TMEM232: variants seen among roughly 807,000 people sequenced by gnomAD.
TMEM232 encodes transmembrane protein 232.
A neutral mutation model predicts 78.8 loss-of-function variants in TMEM232; 80 were observed. The ratio of observed to expected loss-of-function variants is 1.01; its 90% CI spans 0.85 to 1.22. The LOEUF (loss-of-function observed/expected upper bound fraction) is 1.22, where lower values mean the gene tolerates loss of function less well. Among genes scored for constraint, TMEM232 ranks in the 50% most tolerant of loss-of-function variants. The pLI, the probability that TMEM232 is intolerant of heterozygous loss-of-function variation, is 0.00. For missense variants in TMEM232, 881 were observed against 742.2 expected (o/e 1.19, Z -2.17); for synonymous variants, 297 against 254.3 (o/e 1.17, Z -1.60).
chr5:110,524,384 AAAGAAAGAAAGAAAGAAAGAAAGAAAG>A (rs1770149733), intron 12 of TMEM232, among the ~76,000 whole-genome samples: 3 of 70,036 alleles, frequency 4.3e-5, no homozygotes, highest in African/African-American at 2.6e-4. Context: ...AGAAAGAAAG[AAAGAAAGAAAGAAAGAAAGAAAGAAAG>A]AAAGAAAAGA....
chr5:110,677,063 A>G (rs1792119575), intron 1 of TMEM232, among the ~76,000 whole-genome samples: 2 of 151,968 alleles, frequency 1.3e-5, no homozygotes, highest in African/African-American at 4.8e-5. Flanking sequence ...GCCCTGCCTC[A>G]TTGCTTGTGT....
chr5:110,705,763 CGT>C (rs139138961), intron 1 of TMEM232, among the ~76,000 whole-genome samples: 4,515 of 125,046 alleles, frequency 0.036, 228 homozygotes, highest in African/African-American at 0.11. Context: ...TATGTGTGTG[CGT>C]GTGTGTGTGT....
At chr5:110,689,323 C>G (rs531876918) in intron 1 of TMEM232, among the ~76,000 whole-genome samples, 1 of 152,096 alleles carries the variant, frequency 6.6e-6, no homozygotes, top group Non-Finnish European at 1.5e-5. Context: ...TTATTGCATA[C>G]ATATATATGT....
chr5:110,446,146 A>G (rs1034544110), intron 12 of TMEM232, among the ~76,000 whole-genome samples: 2 of 152,104 alleles, frequency 1.3e-5, no homozygotes, highest in African/African-American at 4.8e-5. Context: ...CAAAGACATC[A>G]GAGAATCTCC....
At chr5:110,423,774 T>C (rs957783210) in intron 13 of TMEM232, among the ~76,000 whole-genome samples, 7 of 137,916 alleles carry the variant, frequency 5.1e-5, no homozygotes, top group African/African-American at 1.9e-4. Flanking sequence ...TAGTTATTTA[T>C]GCGTGCGTGT....
intron 11 of TMEM232, among the ~76,000 whole-genome samples, chr5:110,548,375 ATAAT>A (rs1413203955): frequency 1.3e-5 from 2 of 148,672 alleles, no homozygotes; most frequent in Non-Finnish European, 3.0e-5. Flanking sequence ...ATAATATTTA[ATAAT>A]TAATCTTAAA....
At chr5:110,521,377 T>C (rs1330277365) in intron 12 of TMEM232, among the ~76,000 whole-genome samples, 2 of 152,212 alleles carry the variant, frequency 1.3e-5, no homozygotes, top group African/African-American at 2.4e-5. Flanking sequence ...CTTTGTCATA[T>C]ATATGGTTTG....
intron 7 of TMEM232, among the ~76,000 whole-genome samples, chr5:110,620,377 A>C (rs1247876414): frequency 6.6e-6 from 1 of 152,190 alleles, no homozygotes; most frequent in Non-Finnish European, 1.5e-5. Flanking sequence ...CACAGATATA[A>C]ACAAAGTCAC....
intron 5 of TMEM232, among the ~76,000 whole-genome samples, chr5:110,631,875 C>T (rs1412215845): frequency 6.6e-6 from 1 of 152,062 alleles, no homozygotes; most frequent in Non-Finnish European, 1.5e-5. Context: ...CAAGAACTCC[C>T]TCACCTGCCT....
chr5:110,547,955 G>A (rs537007702), intron 11 of TMEM232, among the ~76,000 whole-genome samples: 19 of 140,218 alleles, frequency 1.4e-4, no homozygotes, highest in African/African-American at 4.7e-4. Context: ...CTGAGATCAC[G>A]CCGCTGCACT....
chr5:110,485,928 C>T (rs968254850), intron 12 of TMEM232, among the ~76,000 whole-genome samples: 1 of 152,130 alleles, frequency 6.6e-6, no homozygotes, highest in African/African-American at 2.4e-5. Context: ...TTTACATTCC[C>T]ACCTAGCCGT....
chr5:110,653,064 G>A (rs369551266), intron 2 of TMEM232, among the ~76,000 whole-genome samples: 1 of 152,168 alleles, frequency 6.6e-6, no homozygotes. Context: ...ACTATTTAAT[G>A]AAAGCCTCCT....
intron 13 of TMEM232, among the ~76,000 whole-genome samples, chr5:110,422,561 A>T (rs1407205260): frequency 1.3e-5 from 2 of 151,346 alleles, no homozygotes; most frequent in East Asian, 3.9e-4. Context: ...GTGAAAAATC[A>T]AAAGAGAATT....
At chr5:110,397,026 G>A (rs769248941) in intron 3 of TMEM232, among the ~76,000 whole-genome samples, 1 of 152,268 alleles carries the variant, frequency 6.6e-6, no homozygotes, top group South Asian at 2.1e-4. Flanking sequence ...GTCAGGTCAT[G>A]AGAGTATTCT....
intron 12 of TMEM232, among the ~76,000 whole-genome samples, chr5:110,500,814 T>C (rs1766184073): frequency 6.6e-6 from 1 of 152,176 alleles, no homozygotes; most frequent in Admixed American, 6.6e-5. Flanking sequence ...TGTTACATCA[T>C]CATGGGTCTG....
chr5:110,432,546 C>A (rs553895061), intron 12 of TMEM232, among the ~76,000 whole-genome samples: 2 of 151,586 alleles, frequency 1.3e-5, no homozygotes, highest in African/African-American at 4.8e-5. Flanking sequence ...ACACAACCCA[C>A]GGTCCCTACA....
At chr5:110,514,245 A>G (rs1161315254) in intron 12 of TMEM232, among the ~76,000 whole-genome samples, 1 of 152,176 alleles carries the variant, frequency 6.6e-6, no homozygotes, top group East Asian at 1.9e-4. Flanking sequence ...TTAAATAACT[A>G]GAAGCAGGAA....
At chr5:110,632,335 C>T (rs566620579) in intron 5 of TMEM232, among the ~76,000 whole-genome samples, 1 of 148,746 alleles carries the variant, frequency 6.7e-6, no homozygotes, top group Non-Finnish European at 1.5e-5. Flanking sequence ...CGTAAGGAAA[C>T]ATGAAAAAAA....
At chr5:110,450,797 G>T (rs1280342902) in intron 12 of TMEM232, among the ~76,000 whole-genome samples, 3 of 152,104 alleles carry the variant, frequency 2.0e-5, no homozygotes, top group Non-Finnish European at 4.4e-5. Flanking sequence ...GTCTTTCCTG[G>T]ACACAAAGCT....
Sources: allele counts gnomAD v4.1 joint callset (sites outside exome capture counted in the v4.1 genomes callset), GRCh38; gene constraint gnomAD v4.1.1; transcripts MANE v1.5; gene names NCBI Gene and HGNC (gene_info 2026-07-23, HGNC 2026-07-21).